The following GRIA4 variants were observed in gnomAD, a reference collection of about 807,000 sequenced individuals.
GRIA4 encodes glutamate receptor 4.
In GRIA4, 34 loss-of-function variants were observed where a neutral mutation model predicts 104.0. That is an observed-to-expected ratio of 0.33 (90% CI 0.25 to 0.44). The LOEUF (loss-of-function observed/expected upper bound fraction) is 0.44. Among genes scored for constraint, GRIA4 ranks in the 20% least tolerant of loss-of-function variants. The pLI, the probability that GRIA4 is intolerant of heterozygous loss-of-function variation, is 1.00. For missense variants in GRIA4, 750 were observed against 1,096.5 expected (o/e 0.68, Z 4.46); for synonymous variants, 386 against 381.9 (o/e 1.01, Z -0.13).
At chr11:105,977,661 T>C (rs1859054192) in intron 16 of GRIA4, among the ~76,000 whole-genome samples, 1 of 152,064 alleles carries the variant, frequency 6.6e-6, no homozygotes, top group African/African-American at 2.4e-5. Context: ...AGCATCTTGA[T>C]ACCAAGTCTT....
chr11:105,665,064 T>A (rs1051941465), intron 3 of GRIA4, among the ~76,000 whole-genome samples: 1 of 152,062 alleles, frequency 6.6e-6, no homozygotes, highest in Non-Finnish European at 1.5e-5. Flanking sequence ...AATGACAAAG[T>A]ACCTGACCAT....
At chr11:105,798,351 A>G (rs374875120) in intron 4 of GRIA4, among the ~76,000 whole-genome samples, 212 of 152,272 alleles carry the variant, frequency 1.4e-3, no homozygotes, top group African/African-American at 4.7e-3. Flanking sequence ...ATTGTTGGGC[A>G]GGAGGAACAC....
intron 5 of GRIA4, among the ~76,000 whole-genome samples, chr11:105,879,744 T>A (rs1442852337): frequency 6.6e-6 from 1 of 152,236 alleles, no homozygotes; most frequent in Non-Finnish European, 1.5e-5. Context: ...TGTTTCATTA[T>A]GAGAAAGCTT....
At chr11:105,932,024 C>T (rs1054154006) in intron 13 of GRIA4, among the ~76,000 whole-genome samples, 1 of 150,252 alleles carries the variant, frequency 6.7e-6, no homozygotes, top group African/African-American at 2.4e-5. Flanking sequence ...CACACAAAGA[C>T]GTAAGTCTGA....
At chr11:105,834,743 T>G (rs12800901) in intron 4 of GRIA4, among the ~76,000 whole-genome samples, 7 of 150,316 alleles carry the variant, frequency 4.7e-5, no homozygotes, top group Non-Finnish European at 8.9e-5. Flanking sequence ...TACCATGCTG[T>G]GTGGCATGAG....
intron 4 of GRIA4, among the ~76,000 whole-genome samples, chr11:105,818,737 T>C (rs1188590523): frequency 6.6e-6 from 1 of 152,094 alleles, no homozygotes; most frequent in African/African-American, 2.4e-5. Flanking sequence ...GGGCAAGGAA[T>C]AGGACAGAAA....
chr11:105,897,630 T>G (rs1479301225), intron 6 of GRIA4, among the ~76,000 whole-genome samples: 1 of 152,188 alleles, frequency 6.6e-6, no homozygotes, highest in Non-Finnish European at 1.5e-5. Context: ...TATGTTGCAT[T>G]TTATCAAATG....
intron 4 of GRIA4, among the ~76,000 whole-genome samples, chr11:105,829,046 T>C (rs1265168955): frequency 1.3e-5 from 2 of 151,598 alleles, no homozygotes; most frequent in Non-Finnish European, 2.9e-5. Context: ...TATAGAATCA[T>C]CTAACAATAA....
intron 3 of GRIA4, among the ~76,000 whole-genome samples, chr11:105,687,459 G>T (rs765457911): frequency 1.3e-5 from 2 of 152,222 alleles, no homozygotes; most frequent in Non-Finnish European, 2.9e-5. Context: ...TGCTGAAGGG[G>T]CTTCTCCTGA....
chr11:105,827,151 A>G (rs1027415362), intron 4 of GRIA4, among the ~76,000 whole-genome samples: 2 of 152,054 alleles, frequency 1.3e-5, no homozygotes, highest in African/African-American at 4.8e-5. Flanking sequence ...CTAACAAGTT[A>G]TCCTGGCTCC....
At chr11:105,621,076 A>AT (rs1318928553) in intron 3 of GRIA4, among the ~76,000 whole-genome samples, 2 of 151,812 alleles carry the variant, frequency 1.3e-5, no homozygotes, top group African/African-American at 4.8e-5. Context: ...GAAATAAAAG[A>AT]TAAAAAATAT....
At chr11:105,912,301 A>G (rs1947274117) in intron 10 of GRIA4, 1 of 974,062 alleles carries the variant, frequency 1.0e-6, no homozygotes, top group African/African-American at 1.8e-5. Flanking sequence ...TTCTTTAAAG[A>G]TCTCTTGGAA....
intron 5 of GRIA4, among the ~76,000 whole-genome samples, chr11:105,879,387 C>T (rs984701764): frequency 2.0e-5 from 3 of 152,142 alleles, no homozygotes; most frequent in Non-Finnish European, 4.4e-5. Context: ...TTACTTTGAG[C>T]TTGTTGTACA....
chr11:105,907,053 C>A (rs1947064835), intron 9 of GRIA4, among the ~76,000 whole-genome samples: 1 of 152,088 alleles, frequency 6.6e-6, no homozygotes, highest in Admixed American at 6.5e-5. Context: ...ACTATAAGTG[C>A]AGAACATCAA....
intron 3 of GRIA4, among the ~76,000 whole-genome samples, chr11:105,727,398 T>A (rs191195226): frequency 1.3e-5 from 2 of 152,110 alleles, no homozygotes; most frequent in African/African-American, 4.8e-5. Context: ...AAAGACTATG[T>A]CTGATTGGTG....
At chr11:105,709,569 C>T (rs1248734890) in intron 3 of GRIA4, among the ~76,000 whole-genome samples, 1 of 152,076 alleles carries the variant, frequency 6.6e-6, no homozygotes, top group Non-Finnish European at 1.5e-5. Flanking sequence ...ATCTTAACCA[C>T]GTAATTGAAG....
intron 3 of GRIA4, among the ~76,000 whole-genome samples, chr11:105,632,330 A>C (rs1951055016): frequency 6.6e-6 from 1 of 152,172 alleles, no homozygotes; most frequent in Non-Finnish European, 1.5e-5. Context: ...CTCTACTCCA[A>C]ATATGTCTGT....
chr11:105,756,855 A>G (rs964119345), intron 4 of GRIA4, among the ~76,000 whole-genome samples: 1 of 152,136 alleles, frequency 6.6e-6, no homozygotes, highest in African/African-American at 2.4e-5. Flanking sequence ...CCAGACTGAC[A>G]GTCAATATTT....
intron 4 of GRIA4, among the ~76,000 whole-genome samples, chr11:105,821,345 C>T (rs190997113): frequency 4.6e-5 from 7 of 152,170 alleles, no homozygotes; most frequent in East Asian, 1.9e-4. Context: ...GTCGTTCTTG[C>T]ATTGCTATAA....
Sources: allele counts gnomAD v4.1 joint callset (sites outside exome capture counted in the v4.1 genomes callset), GRCh38; gene constraint gnomAD v4.1.1; transcripts MANE v1.5; gene names NCBI Gene and HGNC (gene_info 2026-07-23, HGNC 2026-07-21).